The following CELSR1 variants were observed in gnomAD, a reference collection of about 807,000 sequenced individuals.
CELSR1 encodes the protein adhesion G protein-coupled receptor C1.
CELSR1 carries 110 observed loss-of-function variants against 249.1 expected under a neutral mutation model. The observed-to-expected ratio is 0.44, with a 90% CI of 0.38 to 0.52. The LOEUF is 0.52. CELSR1 is among the 20% of genes least tolerant of loss of function. The pLI is 0.00. For synonymous variants in CELSR1, 2,113 were observed against 1,900.0 expected (o/e 1.11, Z -2.92); for missense variants, 4,109 against 4,296.4 (o/e 0.96, Z 1.22).
chr22:46,387,586 TGG>T (rs2079045989), intron 18 of CELSR1, among the ~76,000 whole-genome samples: 1 of 152,046 alleles, frequency 6.6e-6, no homozygotes, highest in Admixed American at 6.5e-5. Flanking sequence ...CTCGAACTCC[TGG>T]GCTCAGGCAA....
Position 46,363,307 on chromosome 22 carries a change from G to A in CELSR1, c.9036-60C>T. On this transcript the variant is annotated intron_variant, in intron 34 of 34. Coordinates refer to ENST00000674500, the MANE Select transcript of CELSR1 (RefSeq NM_001378328.1). The surrounding 1 kb of genome is among the most constrained non-coding windows in gnomAD (Gnocchi z 4.3). ...GGTCAGTGAGGGTAGCGGCTTGGTG[G>A]GGCCCAAGGTTGTCACACGGGGGGG... 2 of 1,483,846 alleles carry A rather than the reference G, an allele frequency of 1.3e-6. No individual in the cohort carries two copies. The highest frequency in any genetic ancestry group is 1.9e-6 in the Non-Finnish European group (2 of 1,071,310). The allele number at this position is 1,483,846 out of a possible 1,614,324, so 91.9% of individuals were successfully genotyped here. A position where few individuals can be genotyped will look rare whatever the true frequency, so the allele number is the denominator to read the frequency against.
In CELSR1 at chr22:46,398,150, C is replaced by A. The variant is rs978386637; in HGVS notation, c.5527-302G>T. ...AGAGCTGAACGACTCAGAGCAGCTCCCTCGGCCGTAGCTGGAACCCCTGGC... is the reference window on the plus strand; with the variant it reads ...AGAGCTGAACGACTCAGAGCAGCTCACTCGGCCGTAGCTGGAACCCCTGGC... On this transcript the variant is annotated intron_variant, in intron 11 of 34. Coordinates refer to ENST00000674500, the MANE Select transcript of CELSR1 (RefSeq NM_001378328.1). This position sits in a 1 kb window ranked among gnomAD's most constrained non-coding sequence, Gnocchi z 7.2. 2.0e-5 allele frequency among the ~76,000 whole-genome samples: 3 copies of A among 152,032 alleles called. No homozygotes were observed. The highest frequency in any genetic ancestry group is 7.2e-5 in the African/African-American group (3 of 41,384).
chr22:46,509,741 G>T (rs1282052360), intron 1 of CELSR1, among the ~76,000 whole-genome samples: 1 of 152,126 alleles, frequency 6.6e-6, no homozygotes, highest in African/African-American at 2.4e-5. Context: ...AGGATGGCTG[G>T]CCTCAGGGAG....
chr22:46,420,424 G>A (rs532039968), intron 5 of CELSR1, among the ~76,000 whole-genome samples: 2 of 151,594 alleles, frequency 1.3e-5, no homozygotes, highest in Non-Finnish European at 2.9e-5. Flanking sequence ...CTTCACACAC[G>A]TGCACACACC....
chr22:46,409,759 C>T lies in CELSR1; in HGVS notation c.5055G>A (p.Glu1685=). 6.2e-7 allele frequency: 1 copy of T among 1,613,302 alleles called. No homozygotes were observed. The highest frequency in any genetic ancestry group is 1.1e-5 in the South Asian group (1 of 91,086). Residue 1685 remains glutamate, a synonymous_variant, in exon 8 of 35, where the codon GAG becomes GAA. Transcript: ENST00000674500. The surrounding 1 kb of genome is among the most constrained non-coding windows in gnomAD (Gnocchi z 9.8). ...CPLRFGGKNC[E]QAMPHPQLFS... ...TGGACGACGCCGGCCACTCACCTTG[C>T]TCACAGTTCTTCCCGCCGAATCGGA...
intron 1 of CELSR1, among the ~76,000 whole-genome samples, chr22:46,525,684 C>T (rs914512207): frequency 6.6e-6 from 1 of 152,252 alleles, no homozygotes; most frequent in Non-Finnish European, 1.5e-5. Flanking sequence ...AATCCAAGTG[C>T]TGGCAGGGAT....
chr22:46,471,356 T>C lies in CELSR1; in HGVS notation c.3545-7011A>G, dbSNP rs1446544586. ...AGAGACCCCACACCCAGGCCCCTAT[T>C]AGTTACGTTATTACATTAGCATGGT... On this transcript the variant is annotated intron_variant, in intron 1 of 34. Coordinates refer to ENST00000674500, the MANE Select transcript of CELSR1 (RefSeq NM_001378328.1). This position sits in a 1 kb window ranked among gnomAD's most constrained non-coding sequence, Gnocchi z 4.9. Among the ~76,000 whole-genome samples the C allele has an allele frequency of 6.6e-6, 1 of 151,860 alleles. No homozygotes were observed. Among genetic ancestry groups the C allele is most frequent in the Non-Finnish European group, 1.5e-5 (1 of 67,944 alleles).
At position 46,364,567 on chromosome 22, in the gene CELSR1, C is replaced by T; in HGVS notation, c.8724G>A (p.Gln2908=). Residue 2908 remains glutamine (Q), a synonymous_variant, in exon 33 of 35, where the codon CAG becomes CAA. Coordinates refer to ENST00000674500, the MANE Select transcript of CELSR1 (RefSeq NM_001378328.1). The part of the protein sequence containing the change: ...GSHRGEYPPD[Q]ESGGAARLAS... ...CAAGCCTGGCTGCGCCCCCGCTCTC[C>T]TGGTCCGGGGGGTACTCTCCACGGT... The T allele has an allele frequency of 6.2e-7, 1 of 1,612,526 alleles. No individual in the cohort carries two copies. The highest frequency in any genetic ancestry group is 8.5e-7 in the Non-Finnish European group (1 of 1,179,876).
In CELSR1 at chr22:46,415,817, G is replaced by A. The variant is rs370092358; in HGVS notation, c.4612-4058C>T. Among the ~76,000 whole-genome samples, 18 of 152,314 alleles carry A rather than the reference G, an allele frequency of 1.2e-4. No homozygotes were observed. The East Asian group carries it at 2.7e-3, about 23-fold the overall frequency. On this transcript the variant is annotated intron_variant, in intron 5 of 34. Transcript: ENST00000674500. ...GAGAGGTGAACATTCTCCAGGAGGG[G>A]TCGAGAGGCGCATGGACAATTACAC...
At chr22:46,498,374 C>G (rs1317431739) in intron 1 of CELSR1, among the ~76,000 whole-genome samples, 1 of 149,690 alleles carries the variant, frequency 6.7e-6, no homozygotes, top group East Asian at 1.9e-4. Flanking sequence ...CTCTGGGAGG[C>G]CAAGGCGGAT....
rs2079271459 is a variant in CELSR1, at chr22:46,406,833, C to G, written c.5226+2163G>C. Reference sequence around the variant, plus strand: ...CTCACCTCTCACCATCTGACCTTAGCCCAGCTTCCCCTGATGCGGGATGGT... The same window carrying G: ...CTCACCTCTCACCATCTGACCTTAGGCCAGCTTCCCCTGATGCGGGATGGT... On this transcript the variant is annotated intron_variant, in intron 9 of 34. Transcript: ENST00000674500. The surrounding 1 kb of genome is among the most constrained non-coding windows in gnomAD (Gnocchi z 5.4). 6.6e-6 allele frequency among the ~76,000 whole-genome samples: 1 copy of G among 152,134 alleles called. No individual in the cohort carries two copies. Among genetic ancestry groups the G allele is most frequent in the African/African-American group, 2.4e-5 (1 of 41,416 alleles).
At chr22:46,443,085 G>A (rs1050455482) in intron 2 of CELSR1, among the ~76,000 whole-genome samples, 4 of 151,312 alleles carry the variant, frequency 2.6e-5, no homozygotes, top group Admixed American at 6.6e-5. Flanking sequence ...GGGACAGAGC[G>A]AGACTCCGTC....
Position 46,464,417 on chromosome 22 carries a change from G to A in CELSR1, c.3545-72C>T, listed in dbSNP as rs561409692. On this transcript the variant is annotated intron_variant, in intron 1 of 34. Coordinates refer to ENST00000674500, the MANE Select transcript of CELSR1 (RefSeq NM_001378328.1). The surrounding 1 kb of genome is among the most constrained non-coding windows in gnomAD (Gnocchi z 8.5). The stretch of plus-strand genomic sequence containing the variant: ...ACAGGTCCTATAGGCCCCATCCCAG[G>A]AGCAGCCTCAGGCATGCTTGGCAAA... 1.3e-6 allele frequency: 2 copies of A among 1,513,270 alleles called. No homozygotes were observed. The highest frequency in any genetic ancestry group is 1.4e-5 in the African/African-American group (1 of 72,714). The allele number at this position is 1,513,270 out of a possible 1,614,324, so 93.7% of individuals were successfully genotyped here.
rs769900116 is a variant in CELSR1, at chr22:46,439,248, G to C, written c.4347C>G (p.Pro1449=). The part of the protein sequence containing the change: ...YCEVTTRSFP[P]QSFVTFRGLR... ...GGCCCCGGAAGGTGACGAAGGACTG[G>C]GGCGGGAAGCTCCTGGTGGTCACCT... is the stretch of plus-strand genomic sequence containing the variant. The change falls in exon 3 of 35, where the codon CCC becomes CCG. Residue 1449 remains proline, a synonymous_variant. Transcript: ENST00000674500. 1 of 1,614,190 alleles carries C rather than the reference G, an allele frequency of 6.2e-7. No homozygotes were observed. The highest frequency in any genetic ancestry group is 8.5e-7 in the Non-Finnish European group (1 of 1,180,028).
In CELSR1 at chr22:46,464,954, C is replaced by T. The variant is rs931621670; in HGVS notation, c.3545-609G>A. Among the ~76,000 whole-genome samples the T allele has an allele frequency of 3.9e-5, 6 of 152,200 alleles. No homozygotes were observed. Among genetic ancestry groups the T allele is most frequent in the Non-Finnish European group, 5.9e-5 (4 of 68,036 alleles). ...TGTACCCCACGCAACTCCACATGCC[C>T]AGCACACAGGAGGGGCCGAGGAGCA... On this transcript the variant is annotated intron_variant, in intron 1 of 34. Transcript: ENST00000674500. The surrounding 1 kb of genome is among the most constrained non-coding windows in gnomAD (Gnocchi z 8.5).
chr22:46,394,272 A>AAATAAGAGGG lies in CELSR1; in HGVS notation c.5844-20_5844-11dup. ...GCACGGAAGGTCGAGTCTGTGGGGA[A>AAATAAGAGGG]AATAAGAGGGCAGCTGGAAGGTTTA... On this transcript the variant is annotated splice_polypyrimidine_tract_variant and intron_variant, in intron 13 of 34. Transcript: ENST00000674500. The AAATAAGAGGG allele has an allele frequency of 1.9e-6, 3 of 1,611,104 alleles. No individual in the cohort carries two copies. Among genetic ancestry groups the AAATAAGAGGG allele is most frequent in the Non-Finnish European group, 2.5e-6 (3 of 1,178,760 alleles).
intron 1 of CELSR1, among the ~76,000 whole-genome samples, chr22:46,480,223 A>G (rs2080252948): frequency 2.0e-5 from 3 of 152,156 alleles, no homozygotes; most frequent in Non-Finnish European, 4.4e-5. Context: ...GCTTCCCACA[A>G]TTAGTGTGTC....
In CELSR1 at chr22:46,401,541, C is replaced by T. The variant is rs1225068354; in HGVS notation, c.5227-1639G>A. ...GGAGGCTGAGCGTGCAGTCAGGTCA[C>T]GGCTGCCAGGTACCTGAAACCCCTG... On this transcript the variant is annotated intron_variant, in intron 9 of 34. Transcript: ENST00000674500. This position sits in a 1 kb window ranked among gnomAD's most constrained non-coding sequence, Gnocchi z 4.7. Among the ~76,000 whole-genome samples the T allele has an allele frequency of 2.6e-5, 4 of 152,180 alleles. No homozygotes were observed. Among genetic ancestry groups the T allele is most frequent in the South Asian group, 2.1e-4 (1 of 4,834 alleles).
In CELSR1 at chr22:46,446,082, A is replaced by G. The variant is rs1038320040; in HGVS notation, c.4184-6671T>C. 4.6e-5 allele frequency among the ~76,000 whole-genome samples: 7 copies of G among 151,406 alleles called. No homozygotes were observed. Among genetic ancestry groups the G allele is most frequent in the African/African-American group, 1.7e-4 (7 of 41,152 alleles). ...GCTAGACTCCCACTGCTCCATAAAG[A>G]CCCCAGCCTAAGGGGTCCCAGGGCC... On this transcript the variant is annotated intron_variant, in intron 2 of 34. Coordinates refer to ENST00000674500, the MANE Select transcript of CELSR1 (RefSeq NM_001378328.1). This position sits in a 1 kb window ranked among gnomAD's most constrained non-coding sequence, Gnocchi z 5.5.
Sources: allele counts gnomAD v4.1 joint callset (sites outside exome capture counted in the v4.1 genomes callset), GRCh38; gene constraint gnomAD v4.1.1; non-coding constraint Gnocchi (gnomAD v3.1); transcripts MANE v1.5; gene names NCBI Gene and HGNC (gene_info 2026-07-23, HGNC 2026-07-21).